The following CACNA1C variants were observed in gnomAD, a reference collection of about 807,000 sequenced individuals.
The protein encoded by CACNA1C is calcium voltage-gated channel subunit alpha1 C, also known as voltage-dependent L-type calcium channel subunit alpha-1C.
CACNA1C carries 30 observed loss-of-function variants against 229.0 expected under a neutral mutation model. That is an observed-to-expected ratio of 0.13 (90% CI 0.10 to 0.18). The LOEUF (loss-of-function observed/expected upper bound fraction) is 0.18. Ranked by LOEUF, CACNA1C falls within the 10% of genes least tolerant of loss-of-function variation. The pLI, the probability that CACNA1C is intolerant of heterozygous loss-of-function variation, is 1.00. For missense variants in CACNA1C, 1,658 were observed against 2,845.0 expected (o/e 0.58, Z 9.49); for synonymous variants, 1,114 against 1,132.5 (o/e 0.98, Z 0.33).
At chr12:2,621,332 G>C (rs216015) in intron 29 of CACNA1C, among the ~76,000 whole-genome samples, 3,844 of 152,036 alleles carry the variant, frequency 0.025, 94 homozygotes, top group African/African-American at 0.055. Context: ...GCCCTGGAGG[G>C]TGAAAAGGAG....
intron 3 of CACNA1C, among the ~76,000 whole-genome samples, chr12:2,232,154 A>G (rs1015822380): frequency 3.3e-5 from 5 of 150,760 alleles, no homozygotes; most frequent in African/African-American, 1.2e-4. Flanking sequence ...ATCCAATCCA[A>G]GATCCCACAT....
chr12:2,450,518 C>T (rs1328142873), intron 4 of CACNA1C, among the ~76,000 whole-genome samples: 1 of 128,116 alleles, frequency 7.8e-6, no homozygotes, highest in Non-Finnish European at 1.6e-5. Flanking sequence ...CATGCCACTG[C>T]ACTCCAGCCT....
At chr12:2,593,109 C>A in intron 18 of CACNA1C, 104 bp from the exon 19 acceptor site, 1 of 1,313,518 alleles carries the variant, frequency 7.6e-7, no homozygotes, top group African/African-American at 1.5e-5. Context: ...TGGTACCCTA[C>A]ATTTTCAGAG....
At chr12:2,409,262 A>G (rs1328720815) in intron 3 of CACNA1C, among the ~76,000 whole-genome samples, 1 of 152,218 alleles carries the variant, frequency 6.6e-6, no homozygotes, top group Non-Finnish European at 1.5e-5. Context: ...GTTCCGACCT[A>G]GTTTTGCCAC....
chr12:2,640,528 G>A (rs373629322), intron 30 of CACNA1C, among the ~76,000 whole-genome samples: 12 of 152,208 alleles, frequency 7.9e-5, no homozygotes, highest in Non-Finnish European at 1.5e-4. Flanking sequence ...GAAGGCAAAC[G>A]CCAGGAGGCG....
At chr12:2,375,253 C>T (rs1446028340) in intron 3 of CACNA1C, among the ~76,000 whole-genome samples, 1 of 152,210 alleles carries the variant, frequency 6.6e-6, no homozygotes, top group African/African-American at 2.4e-5. Context: ...GGGCTGGCAT[C>T]TTCCCTGTGC....
At chr12:2,057,377 T>G (rs933528458) in intron 1 of CACNA1C, among the ~76,000 whole-genome samples, 3 of 152,252 alleles carry the variant, frequency 2.0e-5, no homozygotes, top group African/African-American at 7.2e-5. Flanking sequence ...ATGTGGCTTC[T>G]GCCTCTTCCA....
At chr12:2,397,747 G>A (rs1567448399) in intron 3 of CACNA1C, among the ~76,000 whole-genome samples, 1 of 152,236 alleles carries the variant, frequency 6.6e-6, no homozygotes, top group East Asian at 1.9e-4. Context: ...TCTGCAGAGG[G>A]CATCCTGCTG....
intron 1 of CACNA1C, among the ~76,000 whole-genome samples, chr12:2,105,551 G>A (rs577605015): frequency 1.4e-4 from 21 of 152,310 alleles, no homozygotes; most frequent in African/African-American, 3.9e-4. Context: ...GCATGGCGGC[G>A]GGCGCATCGG....
chr12:2,094,442 A>C (rs759194319), intron 1 of CACNA1C, among the ~76,000 whole-genome samples: 20 of 152,274 alleles, frequency 1.3e-4, no homozygotes, highest in Middle Eastern at 3.4e-3. Flanking sequence ...TCAGGGGTGG[A>C]GGTGGGCGAG....
At chr12:2,191,838 A>C (rs900000011) in intron 3 of CACNA1C, among the ~76,000 whole-genome samples, 1 of 72,058 alleles carries the variant, frequency 1.4e-5, no homozygotes, top group Non-Finnish European at 3.7e-5. Context: ...ATACACAGGC[A>C]CACACATGCA....
intron 13 of CACNA1C, among the ~76,000 whole-genome samples, chr12:2,570,240 G>A (rs558341505): frequency 7.9e-5 from 12 of 152,206 alleles, no homozygotes; most frequent in South Asian, 2.1e-4. Flanking sequence ...AAAACCATCC[G>A]TTGGATTGTG....
chr12:1,996,652 AAAAC>A lies in CACNA1C; in HGVS notation c.139+25454_139+25457del, dbSNP rs1565870430. On this transcript the variant is annotated intron_variant, in intron 1 of 46. Coordinates refer to the CACNA1C transcript ENST00000682462. ...AAAAAAAAAAAAAAAAAAAAAAAAA[AAAAC>A]AACAAACTCTTCTAATGTTTTAAAG... Among the ~76,000 whole-genome samples, 13 of 38,914 alleles carry A rather than the reference AAAAC, an allele frequency of 3.3e-4. 1 individual carries two copies. The highest frequency in any genetic ancestry group is 1.7e-3 in the African/African-American group (11 of 6,354). 25.5% of individuals were successfully genotyped at this position (38,914 alleles called of 152,430 possible).
At chr12:2,283,020 C>CTTTT (rs374051091) in intron 3 of CACNA1C, among the ~76,000 whole-genome samples, 4 of 144,374 alleles carry the variant, frequency 2.8e-5, no homozygotes, top group African/African-American at 1.0e-4. Flanking sequence ...CACTCTGGCC[C>CTTTT]TTTTTTTTTT....
At chr12:2,256,073 A>AGTTTACAATCACACGATCCTGACCTTG (rs2077535506) in intron 3 of CACNA1C, among the ~76,000 whole-genome samples, 1 of 9,662 alleles carries the variant, frequency 1.0e-4, no homozygotes, top group African/African-American at 3.3e-4. Flanking sequence ...TCCTGACCTT[A>AGTTTACAATCACACGATCCTGACCTTG]CTAGTTTACA....
rs745853358 is a variant in CACNA1C at position 2,608,522 on chromosome 12, G to A, written c.3368G>A (p.Arg1123His). 2.7e-5 allele frequency: 43 copies of A among 1,609,744 alleles called. No individual in the cohort carries two copies. The highest frequency in any genetic ancestry group is 1.0e-4 in the South Asian group (9 of 90,262). The change falls in exon 27 of 47, where the codon CGC becomes CAC. Residue 1123 changes from arginine (R) to histidine (H), a missense_variant. Around this residue, in one of 20 missense-constraint regions of CACNA1C, gnomAD observed 77 missense variants for 130.9 expected, o/e 0.59. Transcript: ENST00000399655. This position sits in a 1 kb window ranked among gnomAD's most constrained non-coding sequence, Gnocchi z 4.2. Reference protein sequence around the residue: ...TFEGWPELLYRSIDSHTEDKG... With the variant: ...TFEGWPELLYHSIDSHTEDKG... ...GTCTCCTCCTGCAGGCTGCTGTACCGCTCCATCGACTCCCACACGGAAGAC... is the reference window on the plus strand; with the variant it reads ...GTCTCCTCCTGCAGGCTGCTGTACCACTCCATCGACTCCCACACGGAAGAC...
rs1213333893 is a variant in CACNA1C at position 2,689,063 on chromosome 12, C to G, written c.6117+284C>G. The stretch of plus-strand genomic sequence containing the variant: ...CAGCTGCTCGACATGCAAATGTGAG[C>G]CTGGCTGCCTTTATACACAGACAGG... On this transcript the variant is annotated intron_variant, in intron 46 of 46. Coordinates refer to ENST00000399655, the MANE Select transcript of CACNA1C (RefSeq NM_000719.7). This position sits in a 1 kb window ranked among gnomAD's most constrained non-coding sequence, Gnocchi z 4.2. 1.3e-5 allele frequency among the ~76,000 whole-genome samples: 2 copies of G among 152,166 alleles called. No homozygotes were observed. The highest frequency in any genetic ancestry group is 1.3e-4 in the Admixed American group (2 of 15,284).
At position 2,644,538 on chromosome 12, in the gene CACNA1C, A is replaced by G. The variant is rs188698363; in HGVS notation, c.3913-3937A>G. Among the ~76,000 whole-genome samples, 371 of 152,314 alleles carry G rather than the reference A, an allele frequency of 2.4e-3. 1 individual carries two copies. The highest frequency in any genetic ancestry group is 8.7e-3 in the African/African-American group (361 of 41,562). Reference sequence around the variant, plus strand: ...TTTTTCAACTACCTTTTAAGTCTCCAGAGAGACCATGTAATGTGGCAACCA... The same window carrying G: ...TTTTTCAACTACCTTTTAAGTCTCCGGAGAGACCATGTAATGTGGCAACCA... On this transcript the variant is annotated intron_variant, in intron 30 of 46. Coordinates refer to ENST00000399655, the MANE Select transcript of CACNA1C (RefSeq NM_000719.7).
intron 1 of CACNA1C, among the ~76,000 whole-genome samples, chr12:2,047,526 T>G (rs954312893): frequency 9.2e-5 from 14 of 152,224 alleles, no homozygotes; most frequent in Admixed American, 5.2e-4. Flanking sequence ...CTTCGCTGTA[T>G]TTAAAGTGCC....
Sources: allele counts gnomAD v4.1 joint callset (sites outside exome capture counted in the v4.1 genomes callset), GRCh38; gene constraint gnomAD v4.1.1; regional missense constraint gnomAD v4.1.1; non-coding constraint Gnocchi (gnomAD v3.1); transcripts MANE v1.5; gene names NCBI Gene and HGNC (gene_info 2026-07-23, HGNC 2026-07-21).